The following IARS1 variants were observed in gnomAD, a reference collection of about 807,000 sequenced individuals.
IARS1 encodes the protein isoleucine--tRNA ligase, cytoplasmic.
IARS1 carries 124 observed loss-of-function variants against 168.2 expected under a neutral mutation model. The ratio of observed to expected loss-of-function variants is 0.74; its 90% CI spans 0.64 to 0.86. The LOEUF (loss-of-function observed/expected upper bound fraction) is 0.86, where lower values mean the gene tolerates loss of function less well. Among genes scored for constraint, IARS1 ranks in the 40% least tolerant of loss-of-function variants. IARS1 has a pLI of 0.00. For missense variants in IARS1, 1,452 were observed against 1,515.8 expected (o/e 0.96, Z 0.70); for synonymous variants, 532 against 529.4 (o/e 1.00, Z -0.07).
chr9:92,234,499 G>A (rs1361964074), intron 30 of IARS1, among the ~76,000 whole-genome samples: 1 of 152,198 alleles, frequency 6.6e-6, no homozygotes, highest in African/African-American at 2.4e-5. Context: ...ACCCAGGAAT[G>A]GCCAGTCCTG....
chr9:92,275,432 C>T (rs532371994), intron 9 of IARS1, among the ~76,000 whole-genome samples: 3 of 152,134 alleles, frequency 2.0e-5, no homozygotes, highest in Non-Finnish European at 2.9e-5. Context: ...TCACAGCACT[C>T]GGTTTCTTTG....
At chr9:92,222,433 T>A (rs750307548) in intron 33 of IARS1, 87 bp downstream of exon 33, 2 of 976,024 alleles carry the variant, frequency 2.0e-6, no homozygotes, top group Admixed American at 4.2e-5. Context: ...AATAGTACTA[T>A]CTTACATGTA....
At chr9:92,281,646 TA>T (rs1478135115) in intron 6 of IARS1, among the ~76,000 whole-genome samples, 3 of 151,842 alleles carry the variant, frequency 2.0e-5, no homozygotes, top group Non-Finnish European at 4.4e-5. Context: ...GCTCATTAAA[TA>T]AGAACAAGAT....
chr9:92,216,678 G>A (rs1165238071), intron 33 of IARS1, among the ~76,000 whole-genome samples: 5 of 129,140 alleles, frequency 3.9e-5, no homozygotes, highest in African/African-American at 1.5e-4. Flanking sequence ...GACAAAGAAG[G>A]CCATTACATA....
At chr9:92,266,643 A>G in intron 14 of IARS1, among the ~76,000 whole-genome samples, 1 of 152,194 alleles carries the variant, frequency 6.6e-6, no homozygotes, top group Middle Eastern at 3.2e-3. Context: ...CCTCGTGAAG[A>G]GACCAATGCT....
chr9:92,271,700 T>C, intron 10 of IARS1, 45 bp from the exon 11 acceptor site: 1 of 1,604,354 alleles, frequency 6.2e-7, no homozygotes, highest in Non-Finnish European at 8.5e-7. Context: ...AGTCTATGTA[T>C]GGGTGTGAGC....
chr9:92,240,795 T>G, intron 30 of IARS1, 61 bp downstream of exon 30: 1 of 1,004,238 alleles, frequency 1.0e-6, no homozygotes, highest in African/African-American at 1.6e-5. Context: ...TTTTGGTTGT[T>G]TTTTCACATC....
At chr9:92,268,112 C>T (rs1832539493) in intron 14 of IARS1, 62 bp downstream of exon 14, 5 of 1,499,154 alleles carry the variant, frequency 3.3e-6, no homozygotes, top group Non-Finnish European at 4.4e-6. Context: ...AAACCACATT[C>T]AGATTTCATG....
chr9:92,214,023 G>T (rs1838203309), intron 33 of IARS1, among the ~76,000 whole-genome samples: 1 of 151,880 alleles, frequency 6.6e-6, no homozygotes, highest in South Asian at 2.1e-4. Flanking sequence ...TGCTGGTCTT[G>T]AACTCTGCCC....
At chr9:92,271,303 T>C (rs904395798) in intron 11 of IARS1, among the ~76,000 whole-genome samples, 1 of 152,208 alleles carries the variant, frequency 6.6e-6, no homozygotes, top group Admixed American at 6.5e-5. Context: ...AGGTGCTTCA[T>C]GAGGCATGAA....
At chr9:92,224,980 C>T (rs931201975) in intron 31 of IARS1, among the ~76,000 whole-genome samples, 1 of 152,162 alleles carries the variant, frequency 6.6e-6, no homozygotes, top group African/African-American at 2.4e-5. Context: ...CACAACATTA[C>T]TTCCACTCCC....
intron 1 of IARS1, among the ~76,000 whole-genome samples, chr9:92,289,997 C>T (rs72750466): frequency 0.031 from 4,655 of 152,230 alleles, 111 homozygotes; most frequent in South Asian, 0.079. Flanking sequence ...TTGGTTATTA[C>T]GAATAACGCT....
intron 12 of IARS1, 31 bp from the exon 13 acceptor site, chr9:92,270,014 T>G: frequency 7.0e-7 from 1 of 1,421,348 alleles, no homozygotes; most frequent in Non-Finnish European, 1.0e-6. Context: ...ACATAGCTGC[T>G]CAGGCTGAGA....
chr9:92,229,358 T>TACAC (rs113517739), intron 30 of IARS1, among the ~76,000 whole-genome samples: 6,775 of 144,780 alleles, frequency 0.047, 236 homozygotes, highest in East Asian at 0.088. Context: ...ATATATACAC[T>TACAC]ACACACACAC....
chr9:92,269,976 T>C lies in IARS1; in HGVS notation c.1213A>G (p.Thr405Ala), dbSNP rs768846940. ...GGCACTGCTTTGTAAATTAGAGGAG[T>C]GTCTGATCTGGGGAAGCAGAAACAC... ...HSYPFCWRSDTPLIYKAVPSW... is the reference protein window; with the variant it reads ...HSYPFCWRSDAPLIYKAVPSW... Residue 405 changes from threonine to alanine, a missense_variant, in exon 13 of 34, where the codon ACT becomes GCT. Transcript: ENST00000443024. 6.2e-7 allele frequency: 1 copy of C among 1,611,624 alleles called. No homozygotes were observed. Among genetic ancestry groups the C allele is most frequent in the Non-Finnish European group, 8.5e-7 (1 of 1,177,884 alleles).
chr9:92,274,402 A>C, intron 10 of IARS1, 24 bp downstream of exon 10: 1 of 1,578,622 alleles, frequency 6.3e-7, no homozygotes, highest in Non-Finnish European at 8.7e-7. Context: ...ACTCAAATAC[A>C]TTTGCCAGAC....
intron 7 of IARS1, among the ~76,000 whole-genome samples, chr9:92,279,856 A>C (rs1834288013): frequency 6.6e-6 from 1 of 152,020 alleles, no homozygotes; most frequent in African/African-American, 2.4e-5. Flanking sequence ...TCTGAAGTTC[A>C]CTTCTCGATA....
chr9:92,229,358 T>TACACACACACACACACACACACACAC (rs113517739), intron 30 of IARS1, among the ~76,000 whole-genome samples: 2 of 144,830 alleles, frequency 1.4e-5, no homozygotes, highest in African/African-American at 5.2e-5. Context: ...ATATATACAC[T>TACACACACACACACACACACACACAC]ACACACACAC....
chr9:92,291,626 C>T (rs1039659109), intron 1 of IARS1, among the ~76,000 whole-genome samples: 6 of 152,158 alleles, frequency 3.9e-5, no homozygotes, highest in Admixed American at 1.3e-4. Context: ...TTATTATAAC[C>T]TCTAGCCTTT....
Sources: allele counts gnomAD v4.1 joint callset (sites outside exome capture counted in the v4.1 genomes callset), GRCh38; gene constraint gnomAD v4.1.1; transcripts MANE v1.5; gene names NCBI Gene and HGNC (gene_info 2026-07-23, HGNC 2026-07-21).